HACE1: variants seen among roughly 807,000 people sequenced by gnomAD.
HACE1 encodes E3 ubiquitin-protein ligase HACE1.
Under a neutral mutation model 118.4 loss-of-function variants are expected in HACE1, and 73 were observed. The observed-to-expected ratio is 0.62, with a 90% CI of 0.51 to 0.75. The LOEUF (loss-of-function observed/expected upper bound fraction) is 0.75, where lower values mean the gene tolerates loss of function less well. Among genes scored for constraint, HACE1 ranks in the 30% least tolerant of loss-of-function variants. The pLI is 0.00. For missense variants in HACE1, 749 were observed against 1,102.2 expected (o/e 0.68, Z 4.54); for synonymous variants, 368 against 374.8 (o/e 0.98, Z 0.21).
intron 10 of HACE1, 55 bp from the exon 11 acceptor site, chr6:104,791,709 T>C (rs1372018842): frequency 8.5e-6 from 10 of 1,177,814 alleles, no homozygotes; most frequent in Middle Eastern, 2.0e-4. Flanking sequence ...CATATTAAAA[T>C]ACTTATTTTA....
Position 104,859,748 on chromosome 6 carries a change from G to T in HACE1, c.-106C>A. On this transcript the variant is annotated 5_prime_UTR_variant, in exon 1 of 24. Transcript: ENST00000262903. ...GGCCCGTCCAGCAGGCGGAGACGCG[G>T]GCTTGCCCCGGCTAGAGCACTGAGC... The T allele has an allele frequency of 1.9e-6, 2 of 1,033,880 alleles. No homozygotes were observed. Among genetic ancestry groups the T allele is most frequent in the South Asian group, 1.5e-5 (1 of 68,292 alleles). 64.0% of individuals were successfully genotyped at this position (1,033,880 alleles called of 1,614,324 possible). A position where few individuals can be genotyped will look rare whatever the true frequency, so the allele number is the denominator to read the frequency against.
chr6:104,797,077 C>A (rs912992457), intron 7 of HACE1, 52 bp from the exon 8 acceptor site: 1 of 1,002,140 alleles, frequency 1.0e-6, no homozygotes, highest in Non-Finnish European at 1.6e-6. Context: ...AAGTCTTTCT[C>A]TATGAATTAT....
chr6:104,848,500 GTCCT>G lies in HACE1; in HGVS notation c.326+638_326+641del, dbSNP rs555673007. On this transcript the variant is annotated intron_variant, in intron 4 of 23. Coordinates refer to ENST00000262903, the MANE Select transcript of HACE1 (RefSeq NM_020771.4). ...AGTTTATAAAATATAAGTTCTTCAA[GTCCT>G]GAATCAAAAAATACTTATTTTCATT... Among the ~76,000 whole-genome samples, 74 of 149,728 alleles carry G rather than the reference GTCCT, an allele frequency of 4.9e-4. 1 individual carries two copies. In the South Asian group the frequency reaches 0.016, roughly 32 times the overall value.
intron 22 of HACE1, among the ~76,000 whole-genome samples, chr6:104,734,142 C>CA (rs11370746): frequency 0.58 from 50,803 of 86,854 alleles, 13,750 homozygotes; most frequent in African/African-American, 0.7. Context: ...GACTCTTCCT[C>CA]AAAAAAAAAA....
chr6:104,828,288 A>G (rs1218042451), intron 6 of HACE1, among the ~76,000 whole-genome samples: 1 of 152,072 alleles, frequency 6.6e-6, no homozygotes, highest in Non-Finnish European at 1.5e-5. Flanking sequence ...GGGTCTAGAC[A>G]CTGATCTGTG....
intron 9 of HACE1, 55 bp from the exon 10 acceptor site, chr6:104,795,740 T>C (rs1769551988): frequency 1.9e-6 from 2 of 1,070,348 alleles, no homozygotes; most frequent in Non-Finnish European, 2.9e-6. Context: ...TTAAATCTTA[T>C]CAAACAATTA....
At position 104,729,692 on chromosome 6, in the gene HACE1, A is replaced by G. The variant is rs1434996232; in HGVS notation, c.2700T>C (p.His900=). 1.3e-6 allele frequency: 2 copies of G among 1,568,666 alleles called. No individual in the cohort carries two copies. The highest frequency in any genetic ancestry group is 3.3e-5 in the Admixed American group (2 of 59,962). ...CCATTGTGTAACCATAGCTGCCACA[A>G]TGTAGTGCCACAAGAAGTCTGTCCT... ...ILKDRLLVAL[H]CGSYGYTMA The change falls in exon 24 of 24, where the codon CAT becomes CAC. Residue 900 remains histidine (H), a synonymous_variant. Transcript: ENST00000262903.
chr6:104,848,553 G>A (rs111558107), intron 4 of HACE1, among the ~76,000 whole-genome samples: 3,549 of 151,678 alleles, frequency 0.023, 156 homozygotes, highest in African/African-American at 0.082. Context: ...CAATCATTTT[G>A]GTCTGATTTC....
intron 7 of HACE1, among the ~76,000 whole-genome samples, 183 bp from the exon 8 acceptor site, chr6:104,797,208 G>A (rs1329828363): frequency 6.6e-6 from 1 of 151,972 alleles, no homozygotes; most frequent in Non-Finnish European, 1.5e-5. Flanking sequence ...TCACTACGTA[G>A]ACCAGAATGT....
chr6:104,766,316 C>T (rs1308651841), intron 19 of HACE1, among the ~76,000 whole-genome samples: 1 of 152,076 alleles, frequency 6.6e-6, no homozygotes. Context: ...GATGCTGAAA[C>T]AACTGTATGT....
At chr6:104,805,911 C>G (rs1770943316) in intron 7 of HACE1, among the ~76,000 whole-genome samples, 1 of 151,694 alleles carries the variant, frequency 6.6e-6, no homozygotes, top group Non-Finnish European at 1.5e-5. Context: ...GTATCATACA[C>G]AGGAGGATAT....
At position 104,750,127 on chromosome 6, in the gene HACE1, C is replaced by T. The variant is rs1314582671; in HGVS notation, c.2343+214G>A. Among the ~76,000 whole-genome samples the T allele has an allele frequency of 2.6e-5, 4 of 152,170 alleles. No homozygotes were observed. The East Asian group carries it at 5.8e-4, about 22-fold the overall frequency. On this transcript the variant is annotated intron_variant, in intron 20 of 23. Coordinates refer to ENST00000262903, the MANE Select transcript of HACE1 (RefSeq NM_020771.4). ...ATTTTAGTTTGTCACCACCTCACCT[C>T]ACTTCACATTAAGGAGCTGCTTATC...
chr6:104,776,963 A>G (rs2114746197), intron 16 of HACE1, 50 bp downstream of exon 16: 1 of 1,344,892 alleles, frequency 7.4e-7, no homozygotes, highest in Middle Eastern at 2.1e-4. Flanking sequence ...AAGGCATTTC[A>G]ATCTTTCTTT....
At chr6:104,797,369 T>C (rs536352403) in intron 7 of HACE1, among the ~76,000 whole-genome samples, 7 of 151,972 alleles carry the variant, frequency 4.6e-5, no homozygotes, top group East Asian at 1.9e-4. Context: ...ACTTGACCAT[T>C]TGCAACTTTA....
chr6:104,800,620 G>A (rs903316486), intron 7 of HACE1, among the ~76,000 whole-genome samples: 3 of 152,194 alleles, frequency 2.0e-5, no homozygotes, highest in Non-Finnish European at 2.9e-5. Flanking sequence ...CAGACCTGCA[G>A]CTGAGGGACC....
At chr6:104,842,558 C>T (rs181903885) in intron 5 of HACE1, among the ~76,000 whole-genome samples, 63 of 151,710 alleles carry the variant, frequency 4.2e-4, no homozygotes, top group African/African-American at 1.5e-3. Flanking sequence ...CTATCTAATT[C>T]TACAATGAAC....
At chr6:104,731,833 C>A (rs1195660939) in intron 22 of HACE1, 5 of 147,136 alleles carry the variant, frequency 3.4e-5, no homozygotes, top group African/African-American at 1.0e-4. Flanking sequence ...AATATGACAC[C>A]AAATTGATAT....
At chr6:104,778,338 ATAGAGT>A (rs1582424001) in intron 14 of HACE1, among the ~76,000 whole-genome samples, 1 of 152,146 alleles carries the variant, frequency 6.6e-6, no homozygotes, top group Non-Finnish European at 1.5e-5. Flanking sequence ...AAACTGTTTA[ATAGAGT>A]TAAAGAGATG....
chr6:104,756,594 G>C (rs1778718133), intron 19 of HACE1, among the ~76,000 whole-genome samples: 1 of 152,034 alleles, frequency 6.6e-6, no homozygotes, highest in South Asian at 2.1e-4. Context: ...GGCCGAATAG[G>C]AACAGCTCTG....
Sources: allele counts gnomAD v4.1 joint callset (sites outside exome capture counted in the v4.1 genomes callset), GRCh38; gene constraint gnomAD v4.1.1; transcripts MANE v1.5; gene names NCBI Gene and HGNC (gene_info 2026-07-23, HGNC 2026-07-21).